Variants in DNHD1 observed in about 807,000 individuals in gnomAD.
DNHD1 encodes dynein heavy chain domain-containing protein 1.
A neutral mutation model predicts 458.1 loss-of-function variants in DNHD1; 383 were observed. The ratio of observed to expected loss-of-function variants is 0.84; its 90% CI spans 0.77 to 0.91. The LOEUF is 0.91. DNHD1 is among the 40% of genes least tolerant of loss of function. The pLI is 0.00. For synonymous variants in DNHD1, 2,203 were observed against 2,376.9 expected (o/e 0.93, Z 2.13); for missense variants, 5,336 against 5,866.1 (o/e 0.91, Z 2.95).
intron 18 of DNHD1, among the ~76,000 whole-genome samples, chr11:6,542,171 C>T (rs1348508229): frequency 6.6e-6 from 1 of 152,158 alleles, no homozygotes; most frequent in Non-Finnish European, 1.5e-5. Flanking sequence ...CTGCAGTTAA[C>T]ATTTGCACCA....
At chr11:6,566,793 A>G in intron 35 of DNHD1, 28 bp downstream of exon 35, 1 of 1,604,534 alleles carries the variant, frequency 6.2e-7, no homozygotes, top group African/African-American at 1.3e-5. Flanking sequence ...CTGTGGGTTG[A>G]GATGAGCATT....
At position 6,528,708 on chromosome 11, in the gene DNHD1, AT is replaced by A; in HGVS notation, c.2026del (p.Tyr676IlefsTer18). 2 of 1,551,728 alleles carry A rather than the reference AT, an allele frequency of 1.3e-6. No individual in the cohort carries two copies. Among genetic ancestry groups the A allele is most frequent in the Middle Eastern group, 3.3e-4 (2 of 5,990 alleles). ...CRLRGQYFPH[N>X]YKQLEEDLDN... Reference sequence around the variant, plus strand: ...CTGCGGGGCCAATACTTCCCCCACAATTATAAGCAGCTGGAGGAAGACCTGG... The same window carrying A: ...CTGCGGGGCCAATACTTCCCCCACAATATAAGCAGCTGGAGGAAGACCTGG... On this transcript the variant is annotated frameshift_variant, in exon 11 of 43. Transcript: ENST00000254579. LOFTEE classifies it high-confidence loss of function.
chr11:6,569,782 T>A (rs1245432030), intron 39 of DNHD1, among the ~76,000 whole-genome samples: 3 of 152,040 alleles, frequency 2.0e-5, no homozygotes, highest in Non-Finnish European at 4.4e-5. Flanking sequence ...ACTCTCAGAT[T>A]TTTGCTTTAG....
chr11:6,559,898 A>G (rs1434504340), intron 28 of DNHD1, among the ~76,000 whole-genome samples: 2 of 152,160 alleles, frequency 1.3e-5, no homozygotes, highest in African/African-American at 4.8e-5. Flanking sequence ...CACCTGCTCT[A>G]CAATGTTTTT....
chr11:6,556,861 C>G lies in DNHD1; in HGVS notation c.7566C>G (p.Phe2522Leu). The G allele has an allele frequency of 1.3e-6, 2 of 1,551,688 alleles. No homozygotes were observed. The highest frequency in any genetic ancestry group is 1.7e-6 in the Non-Finnish European group (2 of 1,146,996). ...TGTGTCCACGCCTCTTTCGACTCTT[C>G]ACAGTCCTGGCCCTGGAAAGCATGA... The part of the protein sequence containing the change: ...RPLCPRLFRL[F>L]TVLALESMTQ... Residue 2522 changes from phenylalanine to leucine, a missense_variant, in exon 25 of 43, where the codon TTC (phenylalanine) becomes TTG (leucine). By Grantham distance (22) the Phe-to-Leu change is conservative. Coordinates refer to ENST00000254579, the MANE Select transcript of DNHD1 (RefSeq NM_144666.3).
intron 3 of DNHD1, among the ~76,000 whole-genome samples, chr11:6,502,526 CAT>C (rs768660932): frequency 1.2e-4 from 19 of 152,214 alleles, no homozygotes; most frequent in East Asian, 3.8e-4. Context: ...TGCTCACACA[CAT>C]GTTTGTGTCA....
intron 24 of DNHD1, among the ~76,000 whole-genome samples, chr11:6,554,414 CA>C (rs1853419209): frequency 1.3e-5 from 2 of 151,962 alleles, no homozygotes. Context: ...CTTGGTTGGG[CA>C]ATGATTTCTT....
Position 6,566,603 on chromosome 11 carries a change from G to T in DNHD1, c.11223G>T (p.Leu3741=). The change falls in exon 35 of 43, where the codon CTG becomes CTT. Residue 3741 remains leucine, a synonymous_variant. Transcript: ENST00000254579. Reference sequence around the variant, plus strand: ...TACCCCAAGTGCTAGGTTGTGAACTGCTAAAGGGGCTGAATGTGTTGGATC... The same window carrying T: ...TACCCCAAGTGCTAGGTTGTGAACTTCTAAAGGGGCTGAATGTGTTGGATC... ...CAMEKVLGCE[L]LKGLNVLDLG... 6.2e-7 allele frequency: 1 copy of T among 1,613,798 alleles called. No homozygotes were observed. Among genetic ancestry groups the T allele is most frequent in the Non-Finnish European group, 8.5e-7 (1 of 1,179,824 alleles).
At position 6,567,111 on chromosome 11, in the gene DNHD1, C is replaced by A. The variant is rs1853721780; in HGVS notation, c.11602C>A (p.Gln3868Lys). The change falls in exon 36 of 43, where the codon CAG (glutamine) becomes AAG (lysine). Residue 3868 changes from glutamine to lysine, a missense_variant. Around this residue, in one of 4 missense-constraint regions of DNHD1, gnomAD observed 695 missense variants for 804.2 expected, o/e 0.86. Coordinates refer to ENST00000254579, the MANE Select transcript of DNHD1 (RefSeq NM_144666.3). ...MAMVKALSQL[Q>K]NLLPLFCMSP... The stretch of plus-strand genomic sequence containing the variant: ...CATGGTAAAGGCCCTAAGCCAACTG[C>A]AGAACCTGCTGCCACTTTTCTGTAT... 6.2e-7 allele frequency: 1 copy of A among 1,613,936 alleles called. No homozygotes were observed. Among genetic ancestry groups the A allele is most frequent in the South Asian group, 1.1e-5 (1 of 91,090 alleles).
intron 24 of DNHD1, among the ~76,000 whole-genome samples, chr11:6,554,385 G>A (rs1481278507): frequency 1.3e-5 from 2 of 152,014 alleles, no homozygotes; most frequent in African/African-American, 4.8e-5. Flanking sequence ...GAAAAAAATT[G>A]GAGAAAAATC....
In DNHD1 at chr11:6,534,113, C is replaced by A; in HGVS notation, c.2938C>A (p.Gln980Lys). ...TEHQLVSLER[Q>K]FQNTVSDLSE... ...GCACCAGCTCGTCTCCCTAGAGCGT[C>A]AGTTCCAGAACACAGTCAGCGACCT... Residue 980 changes from glutamine to lysine, a missense_variant, in exon 14 of 43, where the codon CAG becomes AAG. Gln to Lys is a moderately conservative substitution (Grantham distance 53). Around this residue, in one of 4 missense-constraint regions of DNHD1, gnomAD observed 3,932 missense variants for 4,365.6 expected, o/e 0.90. Transcript: ENST00000254579. The A allele has an allele frequency of 6.4e-7, 1 of 1,551,514 alleles. No homozygotes were observed. Among genetic ancestry groups the A allele is most frequent in the South Asian group, 1.2e-5 (1 of 84,044 alleles).
At chr11:6,555,031 G>C (rs747797663) in intron 24 of DNHD1, among the ~76,000 whole-genome samples, 3 of 152,174 alleles carry the variant, frequency 2.0e-5, no homozygotes, top group Non-Finnish European at 2.9e-5. Context: ...CAAGAGATAA[G>C]AGTTTAGAAG....
chr11:6,501,762 G>A (rs1010264896), intron 3 of DNHD1, among the ~76,000 whole-genome samples: 17 of 152,118 alleles, frequency 1.1e-4, no homozygotes, highest in Admixed American at 2.6e-4. Flanking sequence ...ACCCGTAGAG[G>A]AGCAAATGTC....
Position 6,564,773 on chromosome 11 carries a change from A to G in DNHD1, c.10725A>G (p.Arg3575=), listed in dbSNP as rs1853661291. 1 of 1,538,018 alleles carries G rather than the reference A, an allele frequency of 6.5e-7. No homozygotes were observed. Among genetic ancestry groups the G allele is most frequent in the African/African-American group, 1.4e-5 (1 of 72,694 alleles). Reference sequence around the variant, plus strand: ...ACCCGCTGCCTCTGGAAGAGAATCGATCTTTTGCGCCAGCCCTCACTGAGG... The same window carrying G: ...ACCCGCTGCCTCTGGAAGAGAATCGGTCTTTTGCGCCAGCCCTCACTGAGG... ...WLDPLPLEEN[R]SFAPALTEGR... Residue 3575 remains arginine (R), a synonymous_variant, in exon 32 of 43, where the codon CGA becomes CGG. Transcript: ENST00000254579.
In DNHD1 at chr11:6,558,972, T is replaced by G. The variant is rs1393911450; in HGVS notation, c.9282T>G (p.Leu3094=). ...SVAKAMALIH[L]SATHYHEHLC... is the part of the protein sequence containing the mutation. ...CCAAAGCCATGGCTCTTATCCACCT[T>G]TCGGCCACCCACTACCATGAGCACC... Residue 3094 remains leucine, a synonymous_variant, in exon 27 of 43, where the codon CTT becomes CTG. Transcript: ENST00000254579. 6.4e-7 allele frequency: 1 copy of G among 1,551,700 alleles called. No individual in the cohort carries two copies. The highest frequency in any genetic ancestry group is 2.4e-5 in the East Asian group (1 of 40,920).
chr11:6,542,956 T>G (rs1164141278), intron 18 of DNHD1, among the ~76,000 whole-genome samples: 2 of 152,208 alleles, frequency 1.3e-5, no homozygotes, highest in Admixed American at 1.3e-4. Context: ...TTGAGGTCTG[T>G]GTGGATATGC....
At chr11:6,522,318 T>C (rs191017547) in intron 10 of DNHD1, among the ~76,000 whole-genome samples, 1 of 152,330 alleles carries the variant, frequency 6.6e-6, no homozygotes, top group Admixed American at 6.5e-5. Flanking sequence ...ATAGTTTCTT[T>C]TGCTGTGCAG....
chr11:6,540,108 G>C, intron 18 of DNHD1, 25 bp downstream of exon 18: 1 of 1,544,844 alleles, frequency 6.5e-7, no homozygotes, highest in South Asian at 1.2e-5. Context: ...TTGTGACCTA[G>C]TGAAAGCCCC....
chr11:6,518,148 TC>T, intron 7 of DNHD1, among the ~76,000 whole-genome samples: 1 of 152,212 alleles, frequency 6.6e-6, no homozygotes. Context: ...AGCCTCAACT[TC>T]CCGGGCTCAG....
Sources: gnomAD v4.1 joint callset for allele counts (sites outside exome capture counted in the v4.1 genomes callset) on GRCh38, gnomAD v4.1.1 for gene constraint, gnomAD v4.1.1 regional missense constraint, MANE v1.5 for transcripts, NCBI Gene and HGNC (gene_info 2026-07-23, HGNC 2026-07-21) for gene names.